The following UBAC2 variants were observed in gnomAD, a reference collection of about 807,000 sequenced individuals.
UBAC2 encodes UBA domain containing 2.
Under a neutral mutation model 44.0 loss-of-function variants are expected in UBAC2, and 26 were observed. The observed-to-expected ratio is 0.59, with a 90% confidence interval of 0.43 to 0.82. The LOEUF is 0.82. Ranked by LOEUF, UBAC2 falls within the 40% of genes least tolerant of loss-of-function variation. The pLI, the probability that UBAC2 is intolerant of heterozygous loss-of-function variation, is 0.00. For synonymous variants in UBAC2, 155 were observed against 154.3 expected, an observed-to-expected ratio of 1.00 and a Z score of -0.04; for missense variants, 329 against 419.4, an observed-to-expected ratio of 0.78 and a Z score of 1.88.
In UBAC2 at chr13:99,200,899, C is replaced by G; in HGVS notation, c.-10C>G. 3.1e-6 allele frequency: 4 copies of G among 1,303,246 alleles called. No individual in the cohort carries two copies. Among genetic ancestry groups the G allele is most frequent in the Non-Finnish European group, 3.9e-6 (4 of 1,017,954 alleles). 80.7% of individuals were successfully genotyped at this position (1,303,246 alleles called of 1,614,324 possible). A position where few individuals can be genotyped will look rare whatever the true frequency, so the allele number is the denominator to read the frequency against. Reference sequence around the variant, plus strand: ...CCGGCGCCCTCTGGGGCTCCGAGCCCGGCGGGACCATGTTCACCAGCACCG... The same window carrying G: ...CCGGCGCCCTCTGGGGCTCCGAGCCGGGCGGGACCATGTTCACCAGCACCG... On this transcript the variant is annotated 5_prime_UTR_variant, in exon 1 of 9. Transcript: ENST00000403766.
chr13:99,202,295 C>T (rs982655219), intron 1 of UBAC2, among the ~76,000 whole-genome samples: 4 of 152,056 alleles, frequency 2.6e-5, no homozygotes, highest in African/African-American at 7.2e-5. Context: ...GGATTGGTCC[C>T]GGAGTATGTT....
chr13:99,322,401 A>C (rs1198085081), intron 6 of UBAC2, among the ~76,000 whole-genome samples: 1 of 152,172 alleles, frequency 6.6e-6, no homozygotes, highest in Non-Finnish European at 1.5e-5. Context: ...ACAGGGATGC[A>C]CCCTAATTCT....
At chr13:99,207,353 G>C (rs2142644088) in intron 1 of UBAC2, among the ~76,000 whole-genome samples, 1 of 152,280 alleles carries the variant, frequency 6.6e-6, no homozygotes, top group South Asian at 2.1e-4. Context: ...GTATTAACTG[G>C]ATCCTTCTTC....
At position 99,270,304 on chromosome 13, in the gene UBAC2, ATTGTTTGCCATT is replaced by A. The variant is rs910783445; in HGVS notation, c.389+25685_389+25696del. Reference sequence around the variant, plus strand: ...ATTTTTATCAAGGGCATATGGTAATATTGTTTGCCATTTTGTGTCTCTTTGAAGTCTTATATG... The same window carrying A: ...ATTTTTATCAAGGGCATATGGTAATATTGTGTCTCTTTGAAGTCTTATATG... On this transcript the variant is annotated intron_variant, in intron 4 of 8. Coordinates refer to ENST00000403766, the MANE Select transcript of UBAC2 (RefSeq NM_001144072.2). Among the ~76,000 whole-genome samples, 20 of 152,312 alleles carry A rather than the reference ATTGTTTGCCATT, an allele frequency of 1.3e-4. No homozygotes were observed. The East Asian group carries it at 1.7e-3, about 13-fold the overall frequency.
At position 99,358,957 on chromosome 13, in the gene UBAC2, G is replaced by A. The variant is rs550330995; in HGVS notation, c.808-8830G>A. 6.6e-5 allele frequency among the ~76,000 whole-genome samples: 10 copies of A among 152,244 alleles called. No individual in the cohort carries two copies. In the East Asian group the frequency reaches 1.7e-3, roughly 26 times the overall value. On this transcript the variant is annotated intron_variant, in intron 7 of 8. Transcript: ENST00000403766. ...GACACAGTGTTTGGGTTGGAGGTTC[G>A]AGTTTGGGAGTCTCTACCCCATGAA...
chr13:99,318,130 A>C, intron 6 of UBAC2, 61 bp downstream of exon 6: 1 of 1,453,658 alleles, frequency 6.9e-7, no homozygotes, highest in Non-Finnish European at 9.6e-7. Flanking sequence ...CATTAGGAAA[A>C]TTGTCCTATT....
intron 4 of UBAC2, among the ~76,000 whole-genome samples, chr13:99,298,226 A>G (rs1173748770): frequency 2.0e-5 from 3 of 152,190 alleles, no homozygotes; most frequent in Non-Finnish European, 4.4e-5. Context: ...CTGAAGACAC[A>G]TGAGCATATA....
At chr13:99,304,195 T>C (rs982847429) in intron 4 of UBAC2, among the ~76,000 whole-genome samples, 7 of 152,168 alleles carry the variant, frequency 4.6e-5, no homozygotes, top group Non-Finnish European at 8.8e-5. Context: ...CATGCAAAAT[T>C]ACTTAGAACC....
intron 4 of UBAC2, among the ~76,000 whole-genome samples, chr13:99,248,662 C>T (rs759156556): frequency 6.6e-5 from 10 of 152,108 alleles, no homozygotes; most frequent in South Asian, 4.1e-4. Context: ...GGATTACAGG[C>T]GTGAGCCACT....
chr13:99,239,676 C>A (rs922871604), intron 2 of UBAC2, among the ~76,000 whole-genome samples: 3 of 152,296 alleles, frequency 2.0e-5, no homozygotes, highest in South Asian at 2.1e-4. Flanking sequence ...AAGGTGGTGA[C>A]CTGCTTGGAT....
At chr13:99,242,573 G>T (rs1234331458) in intron 2 of UBAC2, among the ~76,000 whole-genome samples, 1 of 134,010 alleles carries the variant, frequency 7.5e-6, no homozygotes, top group Non-Finnish European at 1.6e-5. Context: ...CTTCCCAGTA[G>T]GGGCGGCCGG....
rs869112086 is a variant in UBAC2, at chr13:99,338,047, C to CTTTTTTTTTTTTTTT, written c.562-2259_562-2245dup. ...ATCTCCTAACTTTTTTTCTTTTTTTCTTTTTTTTTTTTTTTTTTTTTTTTT... is the reference window on the plus strand; with the variant it reads ...ATCTCCTAACTTTTTTTCTTTTTTTCTTTTTTTTTTTTTTTTTTTTTTTTTTTTTTTTTTTTTTTT... On this transcript the variant is annotated intron_variant, in intron 6 of 8. Transcript: ENST00000403766. Among the ~76,000 whole-genome samples the CTTTTTTTTTTTTTTT allele has an allele frequency of 3.0e-3, 149 of 48,868 alleles. 5 individuals carry two copies. The highest frequency in any genetic ancestry group is 5.7e-3 in the African/African-American group (80 of 14,118). The allele number at this position is 48,868 out of a possible 152,430, so 32.1% of individuals were successfully genotyped here.
At chr13:99,242,566 C>G (rs111432572) in intron 2 of UBAC2, among the ~76,000 whole-genome samples, 4 of 119,564 alleles carry the variant, frequency 3.3e-5, no homozygotes, top group Admixed American at 8.3e-5. Context: ...CTCCTCACTT[C>G]CCAGTAGGGG....
rs188534555 is a variant in UBAC2 at position 99,252,891 on chromosome 13, G to A, written c.389+8267G>A. The stretch of plus-strand genomic sequence containing the variant: ...AATCTTTTGTTGTGCTTTTTGCTCT[G>A]AGACTAAACTCTTCTTATCAAGACA... On this transcript the variant is annotated intron_variant, in intron 4 of 8. Transcript: ENST00000403766. 5.1e-4 allele frequency among the ~76,000 whole-genome samples: 77 copies of A among 151,856 alleles called. 1 individual carries two copies. Among genetic ancestry groups the A allele is most frequent in the Admixed American group, 4.6e-3 (70 of 15,248 alleles).
Position 99,295,638 on chromosome 13 carries a change from G to A in UBAC2, c.390-18459G>A, listed in dbSNP as rs752311419. 6.8e-6 allele frequency: 11 copies of A among 1,614,034 alleles called. No individual in the cohort carries two copies. Among genetic ancestry groups the A allele is most frequent in the Non-Finnish European group, 9.3e-6 (11 of 1,180,040 alleles). On this transcript the variant is annotated intron_variant, in intron 4 of 8. Transcript: ENST00000403766. This position sits in a 1 kb window ranked among gnomAD's most constrained non-coding sequence, Gnocchi z 4.1. ...CTTTCAGCCTCCTGCTTTGACATAGGGTTGATGAGGAGTGGGAGTGTCTGA... is the reference window on the plus strand; with the variant it reads ...CTTTCAGCCTCCTGCTTTGACATAGAGTTGATGAGGAGTGGGAGTGTCTGA...
At chr13:99,203,723 A>C (rs1392301451) in intron 1 of UBAC2, among the ~76,000 whole-genome samples, 1 of 152,226 alleles carries the variant, frequency 6.6e-6, no homozygotes, top group African/African-American at 2.4e-5. Flanking sequence ...GGGTAACTGC[A>C]AAGACCGAAG....
At chr13:99,260,299 C>T (rs1259193711) in intron 4 of UBAC2, among the ~76,000 whole-genome samples, 1 of 152,176 alleles carries the variant, frequency 6.6e-6, no homozygotes. Flanking sequence ...TGCTTTTTCT[C>T]CTCCACTAAA....
chr13:99,325,770 A>G (rs1055494295), intron 6 of UBAC2, among the ~76,000 whole-genome samples: 3 of 152,180 alleles, frequency 2.0e-5, no homozygotes, highest in Non-Finnish European at 2.9e-5. Context: ...TATACCTCAT[A>G]TAAGTGGAAT....
chr13:99,285,008 A>G (rs1044090060), intron 4 of UBAC2, among the ~76,000 whole-genome samples: 1 of 152,160 alleles, frequency 6.6e-6, no homozygotes, highest in African/African-American at 2.4e-5. Flanking sequence ...TCCTCTTTCC[A>G]TTCCCTGGCA....
Sources: gnomAD v4.1 joint callset for allele counts (sites outside exome capture counted in the v4.1 genomes callset) on GRCh38, gnomAD v4.1.1 for gene constraint, Gnocchi (gnomAD v3.1) non-coding constraint, MANE v1.5 for transcripts, NCBI Gene and HGNC (gene_info 2026-07-23, HGNC 2026-07-21) for gene names.